Variants in MGMT observed in about 807,000 individuals in gnomAD.
MGMT encodes methylated-DNA--protein-cysteine methyltransferase.
A neutral mutation model predicts 15.9 loss-of-function variants in MGMT; 14 were observed. That is an observed-to-expected ratio of 0.88 (90% CI 0.58 to 1.37). MGMT has a LOEUF of 1.37. Ranked by LOEUF, MGMT falls within the 40% of genes most tolerant of loss-of-function variation. The pLI is 0.00. For synonymous variants in MGMT, 130 were observed against 118.2 expected (o/e 1.10, Z -0.65); for missense variants, 282 against 268.1 (o/e 1.05, Z -0.36).
chr10:129,550,250 T>C (rs1846140698), intron 2 of MGMT, among the ~76,000 whole-genome samples: 1 of 151,594 alleles, frequency 6.6e-6, no homozygotes, highest in African/African-American at 2.4e-5. Flanking sequence ...AGCACTGGCA[T>C]GTTTCACAGT....
At chr10:129,580,179 G>T (rs1027350067) in intron 2 of MGMT, among the ~76,000 whole-genome samples, 1 of 152,158 alleles carries the variant, frequency 6.6e-6, no homozygotes, top group Admixed American at 6.5e-5. Context: ...CCCCATTAAC[G>T]GGCAGGTGGC....
chr10:129,726,005 G>A (rs1003968503), intron 3 of MGMT, among the ~76,000 whole-genome samples: 2 of 152,050 alleles, frequency 1.3e-5, no homozygotes, highest in Non-Finnish European at 2.9e-5. Context: ...CTCACAGAAC[G>A]AGCCTTGGGA....
rs138764553 is a variant in MGMT, at chr10:129,513,311, G to C, written c.-12-22930G>C. 3.3e-3 allele frequency among the ~76,000 whole-genome samples: 504 copies of C among 152,264 alleles called. 1 individual carries two copies. Among genetic ancestry groups the C allele is most frequent in the African/African-American group, 0.012 (479 of 41,550 alleles). ...TGAGAAAATTTTGGCTATAGATAGA[G>C]GTGATGGATACACAACTTTGTGAAT... On this transcript the variant is annotated intron_variant, in intron 1 of 4. Coordinates refer to ENST00000651593, the MANE Select transcript of MGMT (RefSeq NM_002412.5).
chr10:129,716,531 T>C (rs1227426005), intron 3 of MGMT, among the ~76,000 whole-genome samples: 2 of 152,220 alleles, frequency 1.3e-5, no homozygotes, highest in Non-Finnish European at 2.9e-5. Flanking sequence ...CTCACTTAGA[T>C]GGTTTTAGTA....
intron 2 of MGMT, among the ~76,000 whole-genome samples, chr10:129,589,103 C>G (rs1846651665): frequency 6.6e-6 from 1 of 152,218 alleles, no homozygotes; most frequent in Non-Finnish European, 1.5e-5. Flanking sequence ...CCCCTACTCT[C>G]TCTAGTTGAC....
chr10:129,530,703 A>G (rs1183138043), intron 1 of MGMT, among the ~76,000 whole-genome samples: 3 of 152,214 alleles, frequency 2.0e-5, no homozygotes, highest in Admixed American at 6.5e-5. Flanking sequence ...GTGGCTTTTC[A>G]GGGAAAAGGC....
chr10:129,687,698 C>CTT (rs35636912), intron 2 of MGMT, among the ~76,000 whole-genome samples: 43 of 142,944 alleles, frequency 3.0e-4, no homozygotes, highest in African/African-American at 8.8e-4. Flanking sequence ...ATGTGTAGCC[C>CTT]TTTTTTTTTT....
chr10:129,480,272 A>G (rs887388954), intron 1 of MGMT, among the ~76,000 whole-genome samples: 5 of 152,140 alleles, frequency 3.3e-5, no homozygotes, highest in African/African-American at 9.7e-5. Context: ...CTACATCAGG[A>G]CTCGGCAAGT....
chr10:129,622,135 T>C (rs1847097295), intron 2 of MGMT, among the ~76,000 whole-genome samples: 1 of 152,226 alleles, frequency 6.6e-6, no homozygotes, highest in Non-Finnish European at 1.5e-5. Context: ...AAAAGATTTC[T>C]GGTTTATTCA....
intron 2 of MGMT, 93 bp downstream of exon 2, chr10:129,536,470 G>T (rs763452720): frequency 4.0e-6 from 6 of 1,485,100 alleles, no homozygotes; most frequent in Non-Finnish European, 3.6e-6. Context: ...TGATGGCAGG[G>T]TAACGCATAG....
At chr10:129,739,687 T>G (rs10741199) in intron 3 of MGMT, among the ~76,000 whole-genome samples, 85,581 of 152,016 alleles carry the variant, frequency 0.56, 24,254 homozygotes, top group Middle Eastern at 0.71. Flanking sequence ...TGTCCAATCC[T>G]CAGCCTGCGA....
intron 3 of MGMT, among the ~76,000 whole-genome samples, chr10:129,758,160 T>G (rs1268599522): frequency 2.0e-5 from 3 of 152,184 alleles, no homozygotes; most frequent in Non-Finnish European, 4.4e-5. Flanking sequence ...TCCCTTCAGT[T>G]AAGAAGTGAT....
chr10:129,655,588 C>T (rs950167887), intron 2 of MGMT, among the ~76,000 whole-genome samples: 12 of 152,082 alleles, frequency 7.9e-5, no homozygotes, highest in African/African-American at 2.4e-4. Flanking sequence ...GTGTGTGACT[C>T]GCCCGGCTGA....
At chr10:129,694,773 G>GA (rs1848010855) in intron 2 of MGMT, among the ~76,000 whole-genome samples, 1 of 152,152 alleles carries the variant, frequency 6.6e-6, no homozygotes, top group African/African-American at 2.4e-5. Flanking sequence ...AAGATGCCGG[G>GA]AGACCAGCCA....
chr10:129,668,289 A>G lies in MGMT; in HGVS notation c.126-39606A>G, dbSNP rs568664847. Among the ~76,000 whole-genome samples the G allele has an allele frequency of 1.7e-3, 253 of 152,226 alleles. 1 individual carries two copies. The highest frequency in any genetic ancestry group is 6.0e-3 in the African/African-American group (249 of 41,522). On this transcript the variant is annotated intron_variant, in intron 2 of 4. Transcript: ENST00000651593. ...TCTCTGCTACATATTCATCTTAAAA[A>G]AAAAAAAAGAATAACCTTTAGAAGT...
chr10:129,681,179 C>T (rs534560455), intron 2 of MGMT, among the ~76,000 whole-genome samples: 24 of 152,302 alleles, frequency 1.6e-4, no homozygotes, highest in African/African-American at 3.6e-4. Flanking sequence ...GCACCGGGTG[C>T]GCTGTGGACT....
chr10:129,711,486 C>T (rs1266898812), intron 3 of MGMT, among the ~76,000 whole-genome samples: 4 of 152,148 alleles, frequency 2.6e-5, no homozygotes, highest in Non-Finnish European at 5.9e-5. Flanking sequence ...AGTGGGAGGG[C>T]GCTGAGGCTC....
intron 3 of MGMT, 21 bp from the exon 4 acceptor site, chr10:129,759,181 A>G (rs756795348): frequency 3.7e-6 from 6 of 1,614,118 alleles, no homozygotes; most frequent in Admixed American, 1.7e-5. Context: ...AAATAACATT[A>G]TCCTGCATTC....
chr10:129,598,035 C>G (rs918597107), intron 2 of MGMT, among the ~76,000 whole-genome samples: 1 of 152,116 alleles, frequency 6.6e-6, no homozygotes, highest in African/African-American at 2.4e-5. Flanking sequence ...GCTCTGCAGT[C>G]AGGTCCACCA....
Sources: gnomAD v4.1 joint callset for allele counts (sites outside exome capture counted in the v4.1 genomes callset) on GRCh38, gnomAD v4.1.1 for gene constraint, MANE v1.5 for transcripts, NCBI Gene and HGNC (gene_info 2026-07-23, HGNC 2026-07-21) for gene names.